Variants in MKX observed in about 807,000 individuals in gnomAD.
MKX encodes mohawk homeobox.
Under a neutral mutation model 36.0 loss-of-function variants are expected in MKX, and 13 were observed. That is an observed-to-expected ratio of 0.36 (90% CI 0.24 to 0.57). The LOEUF is 0.57. MKX is among the 20% of genes least tolerant of loss of function. The pLI is 0.79. For missense variants in MKX, 458 were observed against 456.4 expected (o/e 1.00, Z -0.03); for synonymous variants, 176 against 178.3 (o/e 0.99, Z 0.10).
chr10:27,711,499 T>TTCCTTCCTTCCTTCCTTCCTTCCTTCC lies in MKX; in HGVS notation c.838+22956_838+22957insGGAAGGAAGGAAGGAAGGAAGGAAGGA, dbSNP rs1554772225. Among the ~76,000 whole-genome samples the TTCCTTCCTTCCTTCCTTCCTTCCTTCC allele has an allele frequency of 5.4e-5, 5 of 93,076 alleles. No individual in the cohort carries two copies. In the South Asian group the frequency reaches 1.3e-3, roughly 25 times the overall value. 61.1% of individuals were successfully genotyped at this position (93,076 alleles called of 152,430 possible). ...TCTTTCTTTCTCTCTCTCTCTCTTC[T>TTCCTTCCTTCCTTCCTTCCTTCCTTCC]TTCCTTCCTTCCTTCCTTCCTTCCT... On this transcript the variant is annotated intron_variant, in intron 5 of 6. Coordinates refer to ENST00000419761, the MANE Select transcript of MKX (RefSeq NM_173576.3).
chr10:27,741,585 G>T lies in MKX; in HGVS notation c.189-81C>A. ...CGCTCCACGCCCCGGCCAAGCCCGG[G>T]CCCCGCATCCAAACTGCGCATTCCT... On this transcript the variant is annotated intron_variant, in intron 2 of 6. Transcript: ENST00000419761. This position sits in a 1 kb window ranked among gnomAD's most constrained non-coding sequence, Gnocchi z 5.1. 6.8e-7 allele frequency: 1 copy of T among 1,459,906 alleles called. No individual in the cohort carries two copies. The highest frequency in any genetic ancestry group is 9.0e-7 in the Non-Finnish European group (1 of 1,107,434). The allele number at this position is 1,459,906 out of a possible 1,614,324, so 90.4% of individuals were successfully genotyped here. A position where few individuals can be genotyped will look rare whatever the true frequency, so the allele number is the denominator to read the frequency against.
At chr10:27,707,238 C>G (rs979925023) in intron 5 of MKX, among the ~76,000 whole-genome samples, 3 of 151,798 alleles carry the variant, frequency 2.0e-5, no homozygotes, top group African/African-American at 7.3e-5. Context: ...GGTACTTGTG[C>G]TTTGGTGCAC....
intron 5 of MKX, among the ~76,000 whole-genome samples, chr10:27,700,656 A>G (rs2492916): frequency 0.78 from 118,394 of 152,032 alleles, 46,309 homozygotes; most frequent in Admixed American, 0.83. Context: ...AGAGTGTTTC[A>G]AAGGTGGAAG....
At position 27,744,874 on chromosome 10, in the gene MKX, G is replaced by A. The variant is rs1344929293; in HGVS notation, c.-83+833C>T. On this transcript the variant is annotated intron_variant, in intron 1 of 6. Transcript: ENST00000419761. The surrounding 1 kb of genome is among the most constrained non-coding windows in gnomAD (Gnocchi z 5.6). ...CGATCAAACGACGGCTACGGTCTGT[G>A]TTCGTAGGGAAGTGAAGTCAGACCT... The A allele has an allele frequency of 1.3e-5, 2 of 152,460 alleles. No individual in the cohort carries two copies. The highest frequency in any genetic ancestry group is 3.9e-4 in the East Asian group (2 of 5,148). The allele number at this position is 152,460 out of a possible 1,614,324, so 9.4% of individuals were successfully genotyped here.
intron 5 of MKX, among the ~76,000 whole-genome samples, chr10:27,708,830 C>A (rs1378749204): frequency 1.3e-5 from 2 of 151,648 alleles, no homozygotes; most frequent in African/African-American, 2.4e-5. Flanking sequence ...GCAGATCCAA[C>A]CAACAGTGAA....
In MKX at chr10:27,734,673, C is replaced by T. The variant is rs1013627570; in HGVS notation, c.621G>A (p.Arg207=). ...VIKAGVRPES[R]ASEDYVAPPK... ...GGGGTGCCACGTAGTCCTCACTGGC[C>T]CGTGACTCTGGCCTCACTCCCGCTT... The change falls in exon 5 of 7, where the codon CGG becomes CGA. Residue 207 remains arginine, a synonymous_variant. Coordinates refer to ENST00000419761, the MANE Select transcript of MKX (RefSeq NM_173576.3). The T allele has an allele frequency of 1.2e-6, 2 of 1,613,924 alleles. No homozygotes were observed. Among genetic ancestry groups the T allele is most frequent in the Admixed American group, 1.7e-5 (1 of 59,992 alleles).
chr10:27,711,441 TTC>T lies in MKX; in HGVS notation c.838+23013_838+23014del, dbSNP rs1166953386. ...CTTTCTTTCTTTTCTCTTTCTTTCT[TTC>T]TTTCTTTCTTTCTTTCTTTCTTTCT... On this transcript the variant is annotated intron_variant, in intron 5 of 6. Transcript: ENST00000419761. Among the ~76,000 whole-genome samples the T allele has an allele frequency of 7.3e-4, 26 of 35,706 alleles. No individual in the cohort carries two copies. In the East Asian group the frequency reaches 0.012, roughly 17 times the overall value. 23.4% of individuals were successfully genotyped at this position (35,706 alleles called of 152,430 possible).
chr10:27,686,403 AAGGAAGGAAGG>A (rs1307675538), intron 5 of MKX, among the ~76,000 whole-genome samples: 1 of 25,012 alleles, frequency 4.0e-5, no homozygotes, highest in Non-Finnish European at 9.2e-5. Context: ...GAAAGGAAGG[AAGGAAGGAAGG>A]AAGGAAGGAA....
At chr10:27,724,030 C>G (rs1834434755) in intron 5 of MKX, among the ~76,000 whole-genome samples, 1 of 152,160 alleles carries the variant, frequency 6.6e-6, no homozygotes, top group East Asian at 1.9e-4. Context: ...GTTTCATTTT[C>G]ATTTGAGTTC....
chr10:27,701,729 T>A (rs1004021296), intron 5 of MKX, among the ~76,000 whole-genome samples: 5 of 145,582 alleles, frequency 3.4e-5, no homozygotes, highest in Non-Finnish European at 7.5e-5. Context: ...ATTTATATTA[T>A]ATTATATTAT....
chr10:27,689,984 A>G (rs1320724681), intron 5 of MKX, among the ~76,000 whole-genome samples: 4 of 152,306 alleles, frequency 2.6e-5, no homozygotes, highest in Middle Eastern at 3.4e-3. Flanking sequence ...CACACCTATT[A>G]AATTCCGATG....
chr10:27,686,438 GAA>G (rs1477000884), intron 5 of MKX, among the ~76,000 whole-genome samples: 3 of 145,542 alleles, frequency 2.1e-5, no homozygotes, highest in African/African-American at 8.2e-5. Context: ...AGGAAGGAAG[GAA>G]GGAAGGAAAG....
intron 5 of MKX, among the ~76,000 whole-genome samples, chr10:27,714,759 G>A (rs759098614): frequency 7.9e-5 from 12 of 152,152 alleles, no homozygotes; most frequent in Admixed American, 1.3e-4. Context: ...ATAACAAAAC[G>A]ATTTATGGCA....
chr10:27,734,206 TA>T (rs932284871), intron 5 of MKX, among the ~76,000 whole-genome samples: 1 of 151,882 alleles, frequency 6.6e-6, no homozygotes, highest in Non-Finnish European at 1.5e-5. Flanking sequence ...AAATTAAAAT[TA>T]AAAAATATAA....
intron 5 of MKX, among the ~76,000 whole-genome samples, chr10:27,697,150 T>C (rs1484971746): frequency 6.6e-6 from 1 of 152,230 alleles, no homozygotes; most frequent in Non-Finnish European, 1.5e-5. Flanking sequence ...CCAAAACTTC[T>C]TCCCCCTGCC....
At chr10:27,728,665 T>C (rs1446792606) in intron 5 of MKX, among the ~76,000 whole-genome samples, 1 of 152,234 alleles carries the variant, frequency 6.6e-6, no homozygotes, top group Non-Finnish European at 1.5e-5. Flanking sequence ...AAAGAAACTA[T>C]GTCATAAATT....
intron 5 of MKX, 148 bp from the exon 6 acceptor site, chr10:27,675,702 A>T: frequency 3.5e-6 from 3 of 845,780 alleles, no homozygotes; most frequent in Non-Finnish European, 3.6e-6. Flanking sequence ...AAAGCAGTTT[A>T]TATTAAGATG....
rs57248902 is a variant in MKX, at chr10:27,694,516, T to TAAAAA, written c.839-18967_839-18963dup. Among the ~76,000 whole-genome samples the TAAAAA allele has an allele frequency of 3.4e-3, 376 of 111,500 alleles. 9 individuals carry two copies. Among genetic ancestry groups the TAAAAA allele is most frequent in the African/African-American group, 0.011 (331 of 29,140 alleles). 73.1% of individuals were successfully genotyped at this position (111,500 alleles called of 152,430 possible). A position where few individuals can be genotyped will look rare whatever the true frequency, so the allele number is the denominator to read the frequency against. On this transcript the variant is annotated intron_variant, in intron 5 of 6. Transcript: ENST00000419761. ...TAACACAGCGAAACCCCGTCTCTACTAAAAAAAAAAAATATATATATATAT... is the reference window on the plus strand; with the variant it reads ...TAACACAGCGAAACCCCGTCTCTACTAAAAAAAAAAAAAAAAATATATATATATAT...
rs147189500 is a variant in MKX, at chr10:27,716,559, A to G, written c.838+17897T>C. 3.9e-5 allele frequency among the ~76,000 whole-genome samples: 6 copies of G among 152,358 alleles called. No individual in the cohort carries two copies. The East Asian group carries it at 9.6e-4, about 24-fold the overall frequency. Reference sequence around the variant, plus strand: ...AAAGCAAGATTGACTGAATGGATAAAGAGAACACGTGTTTTCTGTGCTCAT... The same window carrying G: ...AAAGCAAGATTGACTGAATGGATAAGGAGAACACGTGTTTTCTGTGCTCAT... On this transcript the variant is annotated intron_variant, in intron 5 of 6. Transcript: ENST00000419761.
Sources: allele counts gnomAD v4.1 joint callset (sites outside exome capture counted in the v4.1 genomes callset), GRCh38; gene constraint gnomAD v4.1.1; non-coding constraint Gnocchi (gnomAD v3.1); transcripts MANE v1.5; gene names NCBI Gene and HGNC (gene_info 2026-07-23, HGNC 2026-07-21).